FCHSD2: variants seen among roughly 807,000 people sequenced by gnomAD.
The protein encoded by FCHSD2 is FCH and double SH3 domains 2.
FCHSD2 carries 38 observed loss-of-function variants against 108.1 expected under a neutral mutation model. The ratio of observed to expected loss-of-function variants is 0.35; its 90% CI spans 0.27 to 0.46. The LOEUF (loss-of-function observed/expected upper bound fraction) is 0.46. Ranked by LOEUF, FCHSD2 falls within the 20% of genes least tolerant of loss-of-function variation. FCHSD2 has a pLI of 1.00. For missense variants in FCHSD2, 751 were observed against 897.8 expected (o/e 0.84, Z 2.09); for synonymous variants, 279 against 314.7 (o/e 0.89, Z 1.20).
chr11:72,977,464 T>C (rs999195274), intron 8 of FCHSD2, among the ~76,000 whole-genome samples: 7 of 152,096 alleles, frequency 4.6e-5, no homozygotes, highest in African/African-American at 1.7e-4. Flanking sequence ...CCAGAATATA[T>C]AAGGAGCTCA....
At chr11:72,986,847 T>C (rs889999061) in intron 6 of FCHSD2, among the ~76,000 whole-genome samples, 1 of 152,176 alleles carries the variant, frequency 6.6e-6, no homozygotes, top group Non-Finnish European at 1.5e-5. Flanking sequence ...ACCCAAACAC[T>C]ACACAAATAA....
At chr11:73,046,892 C>T (rs1012472529) in intron 3 of FCHSD2, among the ~76,000 whole-genome samples, 1 of 152,066 alleles carries the variant, frequency 6.6e-6, no homozygotes, top group African/African-American at 2.4e-5. Flanking sequence ...CACAGTATTG[C>T]TTTAAACAAC....
In FCHSD2 at chr11:73,015,834, T is replaced by C; in HGVS notation, c.217A>G (p.Lys73Glu). 6.2e-7 allele frequency: 1 copy of C among 1,606,378 alleles called. No individual in the cohort carries two copies. Among genetic ancestry groups the C allele is most frequent in the Non-Finnish European group, 8.5e-7 (1 of 1,175,690 alleles). ...QYLKRDWPGV[K>E]ADDRNDYRSM... ...CTGTAATCATTCCGATCATCAGCTT[T>C]TACTCCAGGCCAATCTCTCTTCAGG... Residue 73 changes from lysine (K) to glutamate (E), a missense_variant, in exon 4 of 20, where the codon AAA becomes GAA. Lys to Glu is a moderately conservative substitution (Grantham distance 56, BLOSUM62 1). Transcript: ENST00000409418.
chr11:72,939,609 C>CTTTTTTTTTTT (rs1194333407), intron 8 of FCHSD2, among the ~76,000 whole-genome samples: 1 of 65,464 alleles, frequency 1.5e-5, no homozygotes, highest in Non-Finnish European at 2.8e-5. Flanking sequence ...CTTTCTTTTC[C>CTTTTTTTTTTT]TTTTTTTTTT....
chr11:73,074,838 G>T (rs1859512908), intron 3 of FCHSD2, among the ~76,000 whole-genome samples: 1 of 152,114 alleles, frequency 6.6e-6, no homozygotes, highest in African/African-American at 2.4e-5. Flanking sequence ...CTTGAGCTCA[G>T]GAGTTCGAGG....
chr11:72,852,650 C>G (rs1565288512), intron 13 of FCHSD2, among the ~76,000 whole-genome samples: 1 of 150,648 alleles, frequency 6.6e-6, no homozygotes, highest in African/African-American at 2.4e-5. Context: ...GGCAACAGAG[C>G]AAGATTGTCT....
At chr11:73,037,061 G>A (rs892220698) in intron 3 of FCHSD2, among the ~76,000 whole-genome samples, 1 of 152,156 alleles carries the variant, frequency 6.6e-6, no homozygotes, top group Non-Finnish European at 1.5e-5. Flanking sequence ...TCACCTGGAA[G>A]ATATTTATAG....
chr11:73,024,379 A>C (rs552344261), intron 3 of FCHSD2, among the ~76,000 whole-genome samples: 3 of 152,300 alleles, frequency 2.0e-5, no homozygotes, highest in Non-Finnish European at 4.4e-5. Context: ...AAAGACAAAA[A>C]ACTGTATATA....
At position 72,898,472 on chromosome 11, in the gene FCHSD2, C is replaced by A. The variant is rs537335584; in HGVS notation, c.924+4071G>T. The stretch of plus-strand genomic sequence containing the variant: ...CATAAGCAGTTCAAAATTCCTAATT[C>A]AAACTATAAAATTCAAAATAAAAGA... On this transcript the variant is annotated intron_variant, in intron 10 of 19. Transcript: ENST00000409418. Among the ~76,000 whole-genome samples, 11 of 152,302 alleles carry A rather than the reference C, an allele frequency of 7.2e-5. No individual in the cohort carries two copies. The East Asian group carries it at 1.7e-3, about 24-fold the overall frequency.
At chr11:73,095,779 G>A (rs945280766) in intron 2 of FCHSD2, among the ~76,000 whole-genome samples, 1 of 152,042 alleles carries the variant, frequency 6.6e-6, no homozygotes, top group African/African-American at 2.4e-5. Context: ...AGAGGAGACA[G>A]AACTAAATAA....
intron 4 of FCHSD2, among the ~76,000 whole-genome samples, chr11:73,011,248 C>G (rs1295132446): frequency 2.6e-5 from 4 of 152,124 alleles, no homozygotes; most frequent in African/African-American, 9.7e-5. Flanking sequence ...CAGGGGCAGG[C>G]TGATCCCTAG....
At chr11:73,004,736 C>T (rs796748305) in intron 4 of FCHSD2, among the ~76,000 whole-genome samples, 64 of 152,282 alleles carry the variant, frequency 4.2e-4, no homozygotes, top group African/African-American at 1.5e-3. Flanking sequence ...AAGATAATTA[C>T]GTTGCCTGGT....
chr11:73,073,905 A>C (rs552844877), intron 3 of FCHSD2, among the ~76,000 whole-genome samples: 2 of 152,282 alleles, frequency 1.3e-5, no homozygotes, highest in Non-Finnish European at 2.9e-5. Flanking sequence ...AGTTCCCCCT[A>C]AATTGACTTA....
At chr11:72,981,865 T>C (rs1481132200) in intron 8 of FCHSD2, among the ~76,000 whole-genome samples, 2 of 152,168 alleles carry the variant, frequency 1.3e-5, no homozygotes, top group Non-Finnish European at 2.9e-5. Context: ...CCTGTGGTCC[T>C]AGCTACATGG....
intron 2 of FCHSD2, among the ~76,000 whole-genome samples, chr11:73,127,836 C>T (rs1428011393): frequency 4.0e-5 from 6 of 150,608 alleles, no homozygotes; most frequent in Non-Finnish European, 8.9e-5. Context: ...GCTGTAATCC[C>T]AACACTTTGG....
intron 9 of FCHSD2, among the ~76,000 whole-genome samples, chr11:72,903,286 G>A (rs1855564923): frequency 6.6e-6 from 1 of 151,946 alleles, no homozygotes; most frequent in Non-Finnish European, 1.5e-5. Flanking sequence ...GTGCAAGCTC[G>A]GCTCACTGCA....
intron 8 of FCHSD2, among the ~76,000 whole-genome samples, chr11:72,955,196 A>C (rs897211530): frequency 1.3e-5 from 2 of 152,198 alleles, no homozygotes; most frequent in Admixed American, 6.5e-5. Flanking sequence ...AACCAGCTAA[A>C]AATTGGCGTT....
intron 2 of FCHSD2, among the ~76,000 whole-genome samples, chr11:73,085,909 G>C (rs1054509029): frequency 6.6e-6 from 1 of 152,020 alleles, no homozygotes; most frequent in Non-Finnish European, 1.5e-5. Flanking sequence ...ATTCAAAGGG[G>C]AAAACAAGCC....
chr11:72,970,098 T>G (rs1006065057), intron 8 of FCHSD2, among the ~76,000 whole-genome samples: 3 of 152,176 alleles, frequency 2.0e-5, no homozygotes, highest in African/African-American at 7.2e-5. Flanking sequence ...TCAAAGTGGT[T>G]TGAAAAAGAA....
Sources: gnomAD v4.1 joint callset for allele counts (sites outside exome capture counted in the v4.1 genomes callset) on GRCh38, gnomAD v4.1.1 for gene constraint, MANE v1.5 for transcripts, NCBI Gene and HGNC (gene_info 2026-07-23, HGNC 2026-07-21) for gene names.